TRIO: variants seen among roughly 807,000 people sequenced by gnomAD.
TRIO encodes triple functional domain protein.
Under a neutral mutation model 351.9 loss-of-function variants are expected in TRIO, and 58 were observed. That is an observed-to-expected ratio of 0.16 (90% CI 0.13 to 0.21). The LOEUF (loss-of-function observed/expected upper bound fraction) is 0.21, where lower values mean the gene tolerates loss of function less well. TRIO is among the 10% of genes least tolerant of loss of function. The probability of loss-of-function intolerance (pLI) is 1.00; values close to 1 mark genes in which losing one functional copy is unlikely to be tolerated. For missense variants in TRIO, 3,201 were observed against 4,027.8 expected (o/e 0.79, Z 5.56); for synonymous variants, 1,758 against 1,595.7 (o/e 1.10, Z -2.42).
chr5:14,403,666 G>T (rs1357845188), intron 31 of TRIO, among the ~76,000 whole-genome samples: 10 of 127,534 alleles, frequency 7.8e-5, no homozygotes, highest in South Asian at 2.8e-4. Flanking sequence ...GGGTGCAGGT[G>T]GTGGTGAGGG....
chr5:14,205,438 T>C (rs1791395224), intron 1 of TRIO, among the ~76,000 whole-genome samples: 1 of 152,214 alleles, frequency 6.6e-6, no homozygotes, highest in Non-Finnish European at 1.5e-5. Context: ...TACAAGTCAA[T>C]ACACTGTTCA....
At chr5:14,178,365 G>T (rs182996657) in intron 1 of TRIO, among the ~76,000 whole-genome samples, 69 of 152,338 alleles carry the variant, frequency 4.5e-4, no homozygotes, top group Non-Finnish European at 9.6e-4. Flanking sequence ...AGAGACGTAG[G>T]CTGTTAATCT....
chr5:14,208,165 C>G (rs1382795731), intron 1 of TRIO, among the ~76,000 whole-genome samples: 1 of 141,944 alleles, frequency 7.0e-6, no homozygotes, highest in Non-Finnish European at 1.6e-5. Flanking sequence ...GTATCTCCTT[C>G]TAAATAAATG....
chr5:14,177,754 T>C (rs1000695773), intron 1 of TRIO, among the ~76,000 whole-genome samples: 1 of 151,956 alleles, frequency 6.6e-6, no homozygotes, highest in Non-Finnish European at 1.5e-5. Flanking sequence ...TGCCTAGGAG[T>C]TTCCCTTCTG....
At chr5:14,429,229 G>C (rs1750896764) in intron 34 of TRIO, among the ~76,000 whole-genome samples, 1 of 152,204 alleles carries the variant, frequency 6.6e-6, no homozygotes, top group African/African-American at 2.4e-5. Flanking sequence ...TTCTGATAGT[G>C]TTTAGCAGCT....
intron 1 of TRIO, among the ~76,000 whole-genome samples, chr5:14,159,596 G>A (rs934974641): frequency 1.8e-4 from 27 of 149,926 alleles, no homozygotes; most frequent in African/African-American, 6.1e-4. Context: ...TTGAGATGGA[G>A]TCTTGCTCTG....
chr5:14,445,651 A>G lies in TRIO; in HGVS notation c.5204-15368A>G, dbSNP rs538321174. ...TACCTATCAGCATGAGAAGACTAGA[A>G]TTATTCTTCTGTCTAAGGATACAGC... On this transcript the variant is annotated intron_variant, in intron 34 of 56. Transcript: ENST00000344204. Among the ~76,000 whole-genome samples, 8 of 152,314 alleles carry G rather than the reference A, an allele frequency of 5.3e-5. No individual in the cohort carries two copies. The South Asian group carries it at 1.5e-3, about 28-fold the overall frequency.
intron 11 of TRIO, among the ~76,000 whole-genome samples, chr5:14,342,487 G>T (rs1742029137): frequency 6.6e-6 from 1 of 152,194 alleles, no homozygotes; most frequent in South Asian, 2.1e-4. Flanking sequence ...CACTAAACAG[G>T]CCTCACTTCC....
At chr5:14,488,503 T>G in intron 48 of TRIO, 1 of 570,350 alleles carries the variant, frequency 1.8e-6, no homozygotes. Context: ...ACGCAGCGTC[T>G]TTTGGTTTCT....
chr5:14,389,449 A>C, intron 25 of TRIO, 51 bp downstream of exon 25: 1 of 1,341,510 alleles, frequency 7.5e-7, no homozygotes, highest in Non-Finnish European at 1.0e-6. Flanking sequence ...CATGTGCTGA[A>C]GTTTCATCAC....
Position 14,359,566 on chromosome 5 carries a change from G to A in TRIO, c.2391+35G>A, listed in dbSNP as rs1463053127. 7 of 1,604,368 alleles carry A rather than the reference G, an allele frequency of 4.4e-6. No homozygotes were observed. The East Asian group carries it at 1.3e-4, about 31-fold the overall frequency. On this transcript the variant is annotated intron_variant, in intron 13 of 56. Coordinates refer to ENST00000344204, the MANE Select transcript of TRIO (RefSeq NM_007118.4). Reference sequence around the variant, plus strand: ...CCGCGGCTGGCGCCTGCCTGCCTGTGGGAGCCCTTGGCTTCCTCCACAGCA... The same window carrying A: ...CCGCGGCTGGCGCCTGCCTGCCTGTAGGAGCCCTTGGCTTCCTCCACAGCA...
chr5:14,186,041 T>C lies in TRIO; in HGVS notation c.157+42159T>C, dbSNP rs1790091064. ...TTTTGAATAGCTTGTTAAACAGACT[T>C]TTAAGAGGTACACCCAATTAGCACT... On this transcript the variant is annotated intron_variant, in intron 1 of 56. Transcript: ENST00000344204. Among the ~76,000 whole-genome samples, 5 of 152,180 alleles carry C rather than the reference T, an allele frequency of 3.3e-5. No individual in the cohort carries two copies. In the South Asian group the frequency reaches 1.0e-3, roughly 32 times the overall value.
intron 45 of TRIO, 143 bp from the exon 46 acceptor site, chr5:14,482,439 G>GAAA: frequency 1.6e-6 from 1 of 626,704 alleles, no homozygotes; most frequent in South Asian, 5.2e-5. Flanking sequence ...AACAGTAAAA[G>GAAA]AAAAAAAAAA....
chr5:14,369,231 G>A, intron 17 of TRIO, 143 bp from the exon 18 acceptor site: 2 of 1,224,338 alleles, frequency 1.6e-6, no homozygotes, highest in South Asian at 1.7e-5. Context: ...TCTCCAGCCA[G>A]GTGGAGCCCA....
intron 18 of TRIO, among the ~76,000 whole-genome samples, chr5:14,371,358 T>A (rs1017916794): frequency 6.6e-6 from 1 of 152,180 alleles, no homozygotes; most frequent in Non-Finnish European, 1.5e-5. Flanking sequence ...AAGTACCTTT[T>A]TATTATGGGA....
intron 1 of TRIO, among the ~76,000 whole-genome samples, chr5:14,238,717 T>C (rs1288278402): frequency 6.6e-6 from 1 of 152,232 alleles, no homozygotes; most frequent in Non-Finnish European, 1.5e-5. Flanking sequence ...TGTAGGATCC[T>C]ATTGGATGGT....
At chr5:14,307,981 C>G (rs1033080600) in intron 8 of TRIO, among the ~76,000 whole-genome samples, 1 of 152,092 alleles carries the variant, frequency 6.6e-6, no homozygotes, top group African/African-American at 2.4e-5. Context: ...CCAGCAGGAG[C>G]TTTTTTCTGT....
chr5:14,217,533 G>T (rs1207947368), intron 1 of TRIO, among the ~76,000 whole-genome samples: 1 of 152,192 alleles, frequency 6.6e-6, no homozygotes, highest in African/African-American at 2.4e-5. Flanking sequence ...TGCCAGCCAC[G>T]ACAGCTGCAG....
At chr5:14,425,391 T>C (rs1222065431) in intron 34 of TRIO, among the ~76,000 whole-genome samples, 1 of 152,218 alleles carries the variant, frequency 6.6e-6, no homozygotes, top group African/African-American at 2.4e-5. Flanking sequence ...GAATTTCCTT[T>C]CTTTTTAAGG....
Sources: allele counts gnomAD v4.1 joint callset (sites outside exome capture counted in the v4.1 genomes callset), GRCh38; gene constraint gnomAD v4.1.1; transcripts MANE v1.5; gene names NCBI Gene and HGNC (gene_info 2026-07-23, HGNC 2026-07-21).